Variants in ATP8B1 observed in about 807,000 individuals in gnomAD.
The protein encoded by ATP8B1 is ATPase phospholipid transporting 8B1, also known as phospholipid-transporting ATPase IC.
In ATP8B1, 80 loss-of-function variants were observed where a neutral mutation model predicts 149.9. The ratio of observed to expected loss-of-function variants is 0.53; its 90% CI spans 0.45 to 0.64. The LOEUF (loss-of-function observed/expected upper bound fraction) is 0.64, where lower values mean the gene tolerates loss of function less well. Ranked by LOEUF, ATP8B1 falls within the 30% of genes least tolerant of loss-of-function variation. ATP8B1 has a pLI of 0.00. For missense variants in ATP8B1, 1,247 were observed against 1,552.6 expected, an observed-to-expected ratio of 0.80 and a Z score of 3.31; for synonymous variants, 536 against 562.8, an observed-to-expected ratio of 0.95 and a Z score of 0.67.
At chr18:57,678,024 C>T (rs1406252125) in intron 15 of ATP8B1, among the ~76,000 whole-genome samples, 1 of 152,072 alleles carries the variant, frequency 6.6e-6, no homozygotes, top group Non-Finnish European at 1.5e-5. Flanking sequence ...ATGGGAAGAA[C>T]GTCAGTGACT....
At chr18:57,749,425 A>G (rs2079995245) in intron 1 of ATP8B1, among the ~76,000 whole-genome samples, 1 of 152,112 alleles carries the variant, frequency 6.6e-6, no homozygotes, top group Non-Finnish European at 1.5e-5. Context: ...AGAGAAAATG[A>G]CTCTCTTGAA....
chr18:57,694,812 C>T, intron 10 of ATP8B1, 142 bp from the exon 11 acceptor site: 3 of 716,102 alleles, frequency 4.2e-6, no homozygotes, highest in Non-Finnish European at 7.3e-6. Flanking sequence ...GGCGGATCAC[C>T]TGAGGTCAGG....
chr18:57,681,183 G>T (rs1260001932), intron 15 of ATP8B1, among the ~76,000 whole-genome samples: 2 of 152,284 alleles, frequency 1.3e-5, no homozygotes, highest in South Asian at 2.1e-4. Flanking sequence ...ATTCTCCACC[G>T]CTGGCTTTGA....
chr18:57,780,198 AC>A (rs2080345376), intron 1 of ATP8B1, among the ~76,000 whole-genome samples: 2 of 152,224 alleles, frequency 1.3e-5, no homozygotes, highest in South Asian at 4.1e-4. Flanking sequence ...GGTAAAGCAA[AC>A]ATTAGTTTTT....
intron 1 of ATP8B1, among the ~76,000 whole-genome samples, chr18:57,800,469 T>C (rs2080563503): frequency 1.3e-5 from 2 of 152,242 alleles, no homozygotes; most frequent in African/African-American, 4.8e-5. Context: ...AAAATCTCTC[T>C]GGAGTTGTTA....
At chr18:57,743,039 A>G (rs1599182541) in intron 1 of ATP8B1, among the ~76,000 whole-genome samples, 1 of 152,144 alleles carries the variant, frequency 6.6e-6, no homozygotes, top group East Asian at 1.9e-4. Flanking sequence ...CTTCTTATCC[A>G]TAAAAGGCAG....
In ATP8B1 at chr18:57,652,500, A is replaced by G; in HGVS notation, c.3245T>C (p.Ile1082Thr). 1 of 1,614,224 alleles carries G rather than the reference A, an allele frequency of 6.2e-7. No individual in the cohort carries two copies. The highest frequency in any genetic ancestry group is 1.1e-5 in the South Asian group (1 of 91,086). ...GCCACGTACCTGGAAATTGACTGTT[A>G]TTACAAGAGCAGAGGCAATGGTGAC... Reference protein sequence around the residue: ...FAVTIASALVITVNFQIGLDT... With the variant: ...FAVTIASALVTTVNFQIGLDT... Residue 1082 changes from isoleucine (I) to threonine (T), a missense_variant, in exon 25 of 28, where the codon ATA becomes ACA. By Grantham distance (89) the Ile-to-Thr change is moderately conservative. Coordinates refer to ENST00000648908, the MANE Select transcript of ATP8B1 (RefSeq NM_001374385.1).
chr18:57,697,736 G>A (rs573629397), intron 7 of ATP8B1, 48 bp from the exon 8 acceptor site: 90 of 1,612,548 alleles, frequency 5.6e-5, no homozygotes, highest in Non-Finnish European at 7.3e-5. Context: ...TGAGGGAAAA[G>A]CCGAGCACAG....
chr18:57,802,059 C>CA lies in ATP8B1; in HGVS notation c.-26+938_-26+939insT, dbSNP rs1027122651. 6.6e-6 allele frequency: 1 copy of CA among 151,688 alleles called. No homozygotes were observed. The highest frequency in any genetic ancestry group is 2.4e-5 in the African/African-American group (1 of 41,160). The allele number at this position is 151,688 out of a possible 1,614,324, so 9.4% of individuals were successfully genotyped here. A position where few individuals can be genotyped will look rare whatever the true frequency, so the allele number is the denominator to read the frequency against. On this transcript the variant is annotated intron_variant, in intron 1 of 27. Transcript: ENST00000648908. This position sits in a 1 kb window ranked among gnomAD's most constrained non-coding sequence, Gnocchi z 4.9. Reference sequence around the variant, plus strand: ...GGATCTGCGCTCCGAGCACCGCCCCCCCCCGCAACCAGCCACCAACCCCCG... The same window carrying CA: ...GGATCTGCGCTCCGAGCACCGCCCCCACCCCGCAACCAGCCACCAACCCCCG...
chr18:57,768,813 A>G (rs993672965), intron 1 of ATP8B1, among the ~76,000 whole-genome samples: 4 of 152,218 alleles, frequency 2.6e-5, no homozygotes, highest in Non-Finnish European at 5.9e-5. Flanking sequence ...TGAAACACAC[A>G]CCCAAGAGAA....
At chr18:57,792,627 CA>C (rs1311237387) in intron 1 of ATP8B1, among the ~76,000 whole-genome samples, 2 of 152,118 alleles carry the variant, frequency 1.3e-5, no homozygotes, top group Admixed American at 6.5e-5. Flanking sequence ...CTAAAAGGTA[CA>C]GGATTTCTGT....
Position 57,730,990 on chromosome 18 carries a change from C to A in ATP8B1, c.181+637G>T, listed in dbSNP as rs557937682. On this transcript the variant is annotated intron_variant, in intron 2 of 27. Transcript: ENST00000648908. ...CATGCAGATTCTTGCCCGCATAACT[C>A]CATTTTAAGAATATATACACTGGCT... Among the ~76,000 whole-genome samples, 9 of 152,188 alleles carry A rather than the reference C, an allele frequency of 5.9e-5. No homozygotes were observed. In the East Asian group the frequency reaches 1.7e-3, roughly 29 times the overall value.
intron 1 of ATP8B1, among the ~76,000 whole-genome samples, chr18:57,791,241 ATTTG>A (rs1174145517): frequency 2.0e-5 from 3 of 151,614 alleles, no homozygotes; most frequent in Admixed American, 6.6e-5. Flanking sequence ...ATCACAAAAT[ATTTG>A]TTTGTCCTTT....
At chr18:57,661,483 AAGGTTACATTCACTTTAGTTTTACCCC>A (rs781535397) in intron 21 of ATP8B1, 21 bp from the exon 22 acceptor site, 1 of 1,612,314 alleles carries the variant, frequency 6.2e-7, no homozygotes, top group Non-Finnish European at 8.5e-7. Flanking sequence ...AGAGAGGGAA[AAGGTTACATTCACTTTAGTTTTACCCC>A]AGGAGTACCA....
At chr18:57,661,676 T>TACACACACACACAC (rs368698002) in intron 21 of ATP8B1, among the ~76,000 whole-genome samples, 8 of 104,616 alleles carry the variant, frequency 7.6e-5, no homozygotes, top group Non-Finnish European at 1.3e-4. Flanking sequence ...TGTATGTATA[T>TACACACACACACAC]ACACACACAC....
At chr18:57,737,356 T>A (rs418285) in intron 1 of ATP8B1, among the ~76,000 whole-genome samples, 148,226 of 151,824 alleles carry the variant, frequency 0.98, 72,451 homozygotes, top group East Asian at 1. Flanking sequence ...TATTGTTATT[T>A]TTTTTTTGCA....
intron 18 of ATP8B1, 26 bp from the exon 19 acceptor site, chr18:57,668,566 A>AAAAAAT: frequency 1.4e-6 from 2 of 1,450,684 alleles, no homozygotes; most frequent in Non-Finnish European, 1.9e-6. Context: ...AAAAAAAAAA[A>AAAAAAT]AAAAGGAATT....
chr18:57,655,669 G>A (rs1471446380), intron 22 of ATP8B1, among the ~76,000 whole-genome samples: 3 of 152,138 alleles, frequency 2.0e-5, no homozygotes, highest in African/African-American at 4.8e-5. Flanking sequence ...TGTGGGTGAC[G>A]AATTCCATTT....
At chr18:57,754,341 G>C (rs1191487188) in intron 1 of ATP8B1, among the ~76,000 whole-genome samples, 5 of 152,042 alleles carry the variant, frequency 3.3e-5, no homozygotes, top group Non-Finnish European at 5.9e-5. Flanking sequence ...AGGAGGCTGA[G>C]GCAGGAGAAT....
Sources: gnomAD v4.1 joint callset for allele counts (sites outside exome capture counted in the v4.1 genomes callset) on GRCh38, gnomAD v4.1.1 for gene constraint, Gnocchi (gnomAD v3.1) non-coding constraint, MANE v1.5 for transcripts, NCBI Gene and HGNC (gene_info 2026-07-23, HGNC 2026-07-21) for gene names.